The following TTC6 variants were observed in gnomAD, a reference collection of about 807,000 sequenced individuals.
TTC6 encodes tetratricopeptide repeat protein 6.
In TTC6, 172 loss-of-function variants were observed where a neutral mutation model predicts 210.4. That is an observed-to-expected ratio of 0.82 (90% CI 0.72 to 0.93). The LOEUF (loss-of-function observed/expected upper bound fraction) is 0.93, where lower values mean the gene tolerates loss of function less well. TTC6 is among the 40% of genes least tolerant of loss of function. The pLI, the probability that TTC6 is intolerant of heterozygous loss-of-function variation, is 0.00. For synonymous variants in TTC6, 804 were observed against 819.6 expected (o/e 0.98, Z 0.32); for missense variants, 2,414 against 2,318.1 (o/e 1.04, Z -0.85).
intron 29 of TTC6, among the ~76,000 whole-genome samples, chr14:37,832,089 TA>T (rs1157818150): frequency 1.3e-5 from 2 of 152,118 alleles, no homozygotes; most frequent in Non-Finnish European, 2.9e-5. Context: ...CAGTTAAGTC[TA>T]ATCCATTTTG....
chr14:37,751,322 ATATT>A, intron 13 of TTC6, 97 bp downstream of exon 15: 2 of 778,456 alleles, frequency 2.6e-6, no homozygotes, highest in South Asian at 4.3e-5. Flanking sequence ...CTTTTTGTAT[ATATT>A]ATATAATCAA....
intron 14 of TTC6, among the ~76,000 whole-genome samples, chr14:37,786,921 A>T (rs188521955): frequency 6.6e-6 from 1 of 152,324 alleles, no homozygotes; most frequent in East Asian, 1.9e-4. Flanking sequence ...AGTCAGTGAT[A>T]ATTTCAAAAT....
chr14:37,627,170 T>G (rs1036537649), intron 1 of TTC6, among the ~76,000 whole-genome samples: 1 of 152,164 alleles, frequency 6.6e-6, no homozygotes, highest in African/African-American at 2.4e-5. Context: ...ACTATGATTT[T>G]TAGCTTCCTG....
intron 1 of TTC6, among the ~76,000 whole-genome samples, chr14:37,668,033 G>T (rs1246019517): frequency 1.3e-5 from 2 of 150,036 alleles, no homozygotes; most frequent in Non-Finnish European, 3.0e-5. Flanking sequence ...TACTTGGGAG[G>T]CTGAGGCAGG....
At chr14:37,801,691 G>C (rs1474351451) in intron 20 of TTC6, among the ~76,000 whole-genome samples, 5 of 152,154 alleles carry the variant, frequency 3.3e-5, no homozygotes, top group Non-Finnish European at 7.3e-5. Context: ...CAGCCAGCAA[G>C]CTGGTATCTC....
chr14:37,648,771 C>G (rs111915933), intron 1 of TTC6, among the ~76,000 whole-genome samples: 1 of 152,138 alleles, frequency 6.6e-6, no homozygotes, highest in Non-Finnish European at 1.5e-5. Context: ...AATCCCCCAG[C>G]TCAGTTTTGT....
chr14:37,608,615 C>G (rs938320911), intron 2 of TTC6, among the ~76,000 whole-genome samples: 3 of 152,156 alleles, frequency 2.0e-5, no homozygotes, highest in African/African-American at 7.2e-5. Context: ...CAAGCCTTAT[C>G]TACACAAAAT....
At chr14:37,774,322 A>G in intron 14 of TTC6, among the ~76,000 whole-genome samples, 1 of 152,062 alleles carries the variant, frequency 6.6e-6, no homozygotes, top group East Asian at 1.9e-4. Context: ...GAGAGAGGGC[A>G]TACTTGTCTT....
chr14:37,604,175 A>G (rs924134992), intron 1 of TTC6, among the ~76,000 whole-genome samples: 1 of 152,172 alleles, frequency 6.6e-6, no homozygotes, highest in Admixed American at 6.5e-5. Flanking sequence ...GAGCTCTCCC[A>G]TGGGAACTGG....
At chr14:37,650,743 T>C (rs1235774398) in intron 1 of TTC6, among the ~76,000 whole-genome samples, 1 of 152,266 alleles carries the variant, frequency 6.6e-6, no homozygotes, top group South Asian at 2.1e-4. Flanking sequence ...TCAGAGATAC[T>C]GTAAAAATAT....
chr14:37,642,971 T>C (rs541433267), intron 1 of TTC6, among the ~76,000 whole-genome samples: 2 of 152,336 alleles, frequency 1.3e-5, no homozygotes, highest in South Asian at 4.1e-4. Context: ...GGGTCTGTCA[T>C]TGACTGAAAT....
chr14:37,613,842 C>T lies in TTC6; in HGVS notation c.-155+7100C>T, dbSNP rs147247876. 2.2e-3 allele frequency among the ~76,000 whole-genome samples: 329 copies of T among 152,010 alleles called. 1 individual carries two copies. The highest frequency in any genetic ancestry group is 6.9e-3 in the African/African-American group (285 of 41,486). ...TTTCATTCCTGATATTGGTGATTTT[C>T]GTTCTCTTAAACAGGCTAGCCAGAT... On this transcript the variant is annotated intron_variant, in intron 2 of 2. Transcript: ENST00000556845.
At chr14:37,666,984 A>G (rs976994955) in intron 1 of TTC6, among the ~76,000 whole-genome samples, 2 of 150,364 alleles carry the variant, frequency 1.3e-5, no homozygotes, top group African/African-American at 2.4e-5. Flanking sequence ...CATTATTACT[A>G]TATCTATTTT....
At chr14:37,729,908 A>G (rs2095881618) in intron 7 of TTC6, among the ~76,000 whole-genome samples, 1 of 152,200 alleles carries the variant, frequency 6.6e-6, no homozygotes, top group Non-Finnish European at 1.5e-5. Context: ...TTGTTTTAAA[A>G]GAAGTGAAAT....
chr14:37,832,329 C>CTTTTTTTTT (rs58133834), intron 29 of TTC6, among the ~76,000 whole-genome samples: 7 of 68,910 alleles, frequency 1.0e-4, no homozygotes, highest in African/African-American at 2.2e-4. Flanking sequence ...TTCTTTCTCT[C>CTTTTTTTTT]TTTTTTTTTT....
chr14:37,774,951 A>G, intron 14 of TTC6, among the ~76,000 whole-genome samples: 1 of 151,970 alleles, frequency 6.6e-6, no homozygotes, highest in East Asian at 1.9e-4. Context: ...ATTTGTTCCT[A>G]TTTCAATTTT....
chr14:37,721,461 T>G (rs2095861639), intron 6 of TTC6, among the ~76,000 whole-genome samples: 1 of 152,210 alleles, frequency 6.6e-6, no homozygotes, highest in Non-Finnish European at 1.5e-5. Context: ...TCCAAAATTC[T>G]AATTTTTGTT....
chr14:37,737,805 T>A, intron 9 of TTC6, 71 bp downstream of exon 11: 1 of 839,130 alleles, frequency 1.2e-6, no homozygotes, highest in Non-Finnish European at 1.8e-6. Flanking sequence ...ATCACCTTAT[T>A]TTTTTTTAAA....
At chr14:37,725,529 T>C (rs929000370) in intron 7 of TTC6, among the ~76,000 whole-genome samples, 1 of 151,220 alleles carries the variant, frequency 6.6e-6, no homozygotes, top group African/African-American at 2.4e-5. Context: ...TTTGTATTTT[T>C]AGTGGAGATG....
Sources: allele counts gnomAD v4.1 joint callset (sites outside exome capture counted in the v4.1 genomes callset), GRCh38; gene constraint gnomAD v4.1.1; transcripts MANE v1.5; gene names NCBI Gene and HGNC (gene_info 2026-07-23, HGNC 2026-07-21).